MFSD8: variants seen among roughly 807,000 people sequenced by gnomAD.
The protein encoded by MFSD8 is major facilitator superfamily domain-containing protein 8.
MFSD8 carries 55 observed loss-of-function variants against 66.4 expected under a neutral mutation model. The observed-to-expected ratio is 0.83, with a 90% CI of 0.67 to 1.04. The LOEUF is 1.04. MFSD8 is among the 50% of genes least tolerant of loss of function. The pLI, the probability that MFSD8 is intolerant of heterozygous loss-of-function variation, is 0.00. For missense variants in MFSD8, 550 were observed against 627.6 expected, an observed-to-expected ratio of 0.88 and a Z score of 1.32; for synonymous variants, 202 against 212.8, an observed-to-expected ratio of 0.95 and a Z score of 0.44.
At chr4:127,951,070 GA>G (rs958641113) in intron 2 of MFSD8, among the ~76,000 whole-genome samples, 2 of 149,928 alleles carry the variant, frequency 1.3e-5, no homozygotes, top group African/African-American at 4.9e-5. Context: ...AAAAAAAAAG[GA>G]AAAAAAAGAA....
chr4:127,938,367 A>G (rs539249008), intron 7 of MFSD8, among the ~76,000 whole-genome samples: 1 of 152,074 alleles, frequency 6.6e-6, no homozygotes, highest in South Asian at 2.1e-4. Flanking sequence ...GTGGATCACA[A>G]GGTCAGGAGA....
At chr4:127,929,667 G>A (rs1356635485) in intron 9 of MFSD8, among the ~76,000 whole-genome samples, 2 of 152,078 alleles carry the variant, frequency 1.3e-5, no homozygotes, top group Non-Finnish European at 2.9e-5. Context: ...ATAATAGCGG[G>A]AAGGAGGCAA....
chr4:127,944,128 C>G, intron 3 of MFSD8, 136 bp from the exon 4 acceptor site: 2 of 1,196,556 alleles, frequency 1.7e-6, no homozygotes, highest in Non-Finnish European at 2.4e-6. Context: ...AACACTATTA[C>G]TTATAGTAAG....
chr4:127,935,393 A>G (rs993089962), intron 7 of MFSD8, among the ~76,000 whole-genome samples: 8 of 152,336 alleles, frequency 5.3e-5, no homozygotes, highest in South Asian at 2.1e-4. Context: ...GTTGCATCCT[A>G]GACTATGGGG....
chr4:127,920,430 C>T lies in MFSD8; in HGVS notation c.*200G>A, dbSNP rs1371422293. 2 of 609,070 alleles carry T rather than the reference C, an allele frequency of 3.3e-6. No homozygotes were observed. The highest frequency in any genetic ancestry group is 3.7e-5 in the African/African-American group (2 of 53,988). The allele number at this position is 609,070 out of a possible 1,614,324, so 37.7% of individuals were successfully genotyped here. A position where few individuals can be genotyped will look rare whatever the true frequency, so the allele number is the denominator to read the frequency against. ...TTCATTTCTGAGGTAAGGAAATTAT[C>T]ATCTAGTATGTTTTTATATAACCTA... On this transcript the variant is annotated 3_prime_UTR_variant, in exon 12 of 12. Transcript: ENST00000641686.
At chr4:127,964,622 C>G (rs1744667098) in intron 1 of MFSD8, 1 of 209,512 alleles carries the variant, frequency 4.8e-6, no homozygotes, top group South Asian at 6.1e-5. Context: ...GCCTCTCCCA[C>G]CACACCTCCC....
chr4:127,953,278 C>T (rs955136452), intron 2 of MFSD8, among the ~76,000 whole-genome samples: 8 of 151,726 alleles, frequency 5.3e-5, no homozygotes, highest in Non-Finnish European at 1.0e-4. Context: ...CACCTGAGGT[C>T]GGGAGTTCAA....
At chr4:127,956,898 G>A (rs1178302418) in intron 2 of MFSD8, among the ~76,000 whole-genome samples, 2 of 151,106 alleles carry the variant, frequency 1.3e-5, no homozygotes, top group African/African-American at 2.4e-5. Flanking sequence ...GTCTAGTTTC[G>A]TTTGTATGTA....
chr4:127,943,069 T>C (rs1459694552), intron 4 of MFSD8, among the ~76,000 whole-genome samples: 1 of 151,838 alleles, frequency 6.6e-6, no homozygotes, highest in African/African-American at 2.4e-5. Context: ...ATACAAAAAT[T>C]AGCCAGGTGC....
chr4:127,924,352 T>C (rs895022309), intron 9 of MFSD8, among the ~76,000 whole-genome samples: 1 of 151,908 alleles, frequency 6.6e-6, no homozygotes, highest in Non-Finnish European at 1.5e-5. Context: ...GGACCAGTGG[T>C]GCCCAAAATC....
At chr4:127,921,480 CA>C (rs749674058) in intron 11 of MFSD8, 43 bp downstream of exon 11, 2 of 1,612,986 alleles carry the variant, frequency 1.2e-6, no homozygotes, top group South Asian at 2.2e-5. Context: ...TGAGTGCTTA[CA>C]AGTATATTTT....
At position 127,933,031 on chromosome 4, in the gene MFSD8, T is replaced by C. The variant is rs144848697; in HGVS notation, c.817A>G (p.Asn273Asp). The change falls in exon 8 of 12, where the codon AAT becomes GAT. Residue 273 changes from asparagine (N) to aspartate (D), a missense_variant. Asn to Asp is a conservative substitution (Grantham distance 23). Transcript: ENST00000641686. ...AATAGAGTCACAAAAAACAGAACAT[T>C]GATGGCCACAACAGCAACCTGGTCA... is the stretch of plus-strand genomic sequence containing the variant. ...NIDQVAVVAI[N>D]VLFFVTLFIF... 6 of 1,613,640 alleles carry C rather than the reference T, an allele frequency of 3.7e-6. No individual in the cohort carries two copies. The highest frequency in any genetic ancestry group is 2.7e-5 in the African/African-American group (2 of 74,880).
intron 8 of MFSD8, 87 bp downstream of exon 8, chr4:127,932,898 A>G (rs1738402593): frequency 8.2e-7 from 1 of 1,218,748 alleles, no homozygotes; most frequent in Non-Finnish European, 1.2e-6. Context: ...AAGATTTTCA[A>G]TAACATCTAT....
At chr4:127,921,825 A>G (rs763818653) in intron 10 of MFSD8, 35 bp downstream of exon 10, 1 of 1,613,666 alleles carries the variant, frequency 6.2e-7, no homozygotes, top group South Asian at 1.1e-5. Flanking sequence ...GATAAATAAC[A>G]GAGGTTAACA....
intron 5 of MFSD8, 116 bp from the exon 6 acceptor site, chr4:127,940,113 T>A (rs1230198296): frequency 3.0e-6 from 3 of 992,032 alleles, no homozygotes; most frequent in African/African-American, 3.3e-5. Flanking sequence ...TCCTTCTATA[T>A]CATGCATTCT....
Position 127,931,313 on chromosome 4 carries a change from G to C in MFSD8, c.864-496C>G, listed in dbSNP as rs367568422. 5.3e-5 allele frequency among the ~76,000 whole-genome samples: 8 copies of C among 151,628 alleles called. No individual in the cohort carries two copies. In the South Asian group the frequency reaches 1.5e-3, roughly 28 times the overall value. ...TTGCCAAGTTTCTCTCCCTACATTC[G>C]ATCTCTATTAACTGACTACAAAATG... On this transcript the variant is annotated intron_variant, in intron 8 of 11. Transcript: ENST00000641686.
At chr4:127,923,111 C>A (rs1736583478) in intron 9 of MFSD8, among the ~76,000 whole-genome samples, 1 of 152,140 alleles carries the variant, frequency 6.6e-6, no homozygotes, top group Admixed American at 6.6e-5. Context: ...TAATTGAATA[C>A]CCTTTATTTC....
intron 4 of MFSD8, 92 bp from the exon 5 acceptor site, chr4:127,942,250 T>C (rs2148916144): frequency 4.0e-6 from 4 of 994,632 alleles, no homozygotes; most frequent in Non-Finnish European, 6.3e-6. Context: ...GAAGAAGAAA[T>C]CTTGGTCAAC....
At chr4:127,942,251 C>G (rs1360489401) in intron 4 of MFSD8, 93 bp from the exon 5 acceptor site, 3 of 972,372 alleles carry the variant, frequency 3.1e-6, no homozygotes, top group Non-Finnish European at 3.3e-6. Flanking sequence ...AAGAAGAAAT[C>G]TTGGTCAACA....
Sources: allele counts gnomAD v4.1 joint callset (sites outside exome capture counted in the v4.1 genomes callset), GRCh38; gene constraint gnomAD v4.1.1; transcripts MANE v1.5; gene names NCBI Gene and HGNC (gene_info 2026-07-23, HGNC 2026-07-21).